The following STK3 variants were observed in gnomAD, a reference collection of about 807,000 sequenced individuals.
The protein encoded by STK3 is serine/threonine-protein kinase 3.
A neutral mutation model predicts 58.0 loss-of-function variants in STK3; 41 were observed. That is an observed-to-expected ratio of 0.71 (90% CI 0.55 to 0.92). The LOEUF (loss-of-function observed/expected upper bound fraction) is 0.92. STK3 is among the 40% of genes least tolerant of loss of function. STK3 has a pLI of 0.00. For synonymous variants in STK3, 170 were observed against 191.0 expected (o/e 0.89, Z 0.91); for missense variants, 479 against 602.7 (o/e 0.79, Z 2.15).
chr8:98,825,589 G>T lies in STK3; in HGVS notation c.-49C>A. The T allele has an allele frequency of 7.1e-7, 1 of 1,406,272 alleles. No homozygotes were observed. Among genetic ancestry groups the T allele is most frequent in the Non-Finnish European group, 9.3e-7 (1 of 1,073,206 alleles). The allele number at this position is 1,406,272 out of a possible 1,614,324, so 87.1% of individuals were successfully genotyped here. On this transcript the variant is annotated 5_prime_UTR_variant, in exon 1 of 11. Coordinates refer to ENST00000419617, the MANE Select transcript of STK3 (RefSeq NM_006281.4). ...ACCTGGTGGACGGCGAAGGCCGAAA[G>T]GAGGAAAGGAGCCGGGGCACCGGCC...
chr8:98,926,900 C>A (rs922628980), intron 1 of STK3, among the ~76,000 whole-genome samples: 1 of 152,168 alleles, frequency 6.6e-6, no homozygotes, highest in Non-Finnish European at 1.5e-5. Flanking sequence ...CTGAGAAGTT[C>A]CAGGCAGCAG....
intron 1 of STK3, among the ~76,000 whole-genome samples, chr8:98,447,191 A>G (rs1360307258): frequency 6.6e-6 from 1 of 152,102 alleles, no homozygotes; most frequent in South Asian, 2.1e-4. Flanking sequence ...CCCCCATGAC[A>G]TATGGATTTA....
At chr8:98,412,517 A>T (rs1232746434) in intron 3 of STK3, among the ~76,000 whole-genome samples, 1 of 152,222 alleles carries the variant, frequency 6.6e-6, no homozygotes, top group African/African-American at 2.4e-5. Context: ...TTGATTGCCA[A>T]CCTTACAGTA....
At chr8:98,756,151 A>G (rs890139685) in intron 3 of STK3, among the ~76,000 whole-genome samples, 3 of 152,046 alleles carry the variant, frequency 2.0e-5, no homozygotes, top group Non-Finnish European at 2.9e-5. Flanking sequence ...CAAAAAAAAA[A>G]AGAAAAATTA....
At chr8:98,904,976 G>GT (rs1314396069) in intron 1 of STK3, 2 of 733,448 alleles carry the variant, frequency 2.7e-6, no homozygotes, top group East Asian at 5.6e-5. Flanking sequence ...CTACTGCCTC[G>GT]TAAGAGCAGA....
At chr8:98,860,344 T>C (rs1836884220) in intron 3 of STK3, among the ~76,000 whole-genome samples, 1 of 152,144 alleles carries the variant, frequency 6.6e-6, no homozygotes, top group East Asian at 1.9e-4. Flanking sequence ...TGATACCTGT[T>C]GATTAGAAGG....
intron 8 of STK3, among the ~76,000 whole-genome samples, chr8:98,563,532 T>C (rs1462506701): frequency 6.6e-6 from 1 of 151,988 alleles, no homozygotes; most frequent in Non-Finnish European, 1.5e-5. Flanking sequence ...CATCCCACAG[T>C]ACAAAAAAGT....
chr8:98,906,989 T>TAAAAAAAAAAAAAAAAA (rs3085954), intron 1 of STK3, among the ~76,000 whole-genome samples: 14 of 94,770 alleles, frequency 1.5e-4, no homozygotes, highest in African/African-American at 5.9e-4. Flanking sequence ...TCTCTACCAA[T>TAAAAAAAAAAAAAAAAA]AAAAAAAAAA....
chr8:98,451,961 T>G (rs1017659254), downstream of STK3, among the ~76,000 whole-genome samples: 5 of 152,096 alleles, frequency 3.3e-5, no homozygotes, highest in Non-Finnish European at 7.4e-5. Flanking sequence ...TAAATGCCTA[T>G]GCCTAATAAT....
chr8:98,844,470 T>G (rs1462372438), intron 3 of STK3, among the ~76,000 whole-genome samples: 1 of 137,124 alleles, frequency 7.3e-6, no homozygotes, highest in Non-Finnish European at 1.6e-5. Context: ...TGTGTGTGTG[T>G]TTTTGTTTTT....
intron 6 of STK3, among the ~76,000 whole-genome samples, chr8:98,685,233 C>T (rs1361644570): frequency 3.3e-5 from 5 of 152,084 alleles, no homozygotes; most frequent in African/African-American, 7.2e-5. Context: ...AATGGAAACA[C>T]GTCTCCAAAA....
intron 6 of STK3, among the ~76,000 whole-genome samples, chr8:98,662,305 T>C (rs943724503): frequency 3.3e-5 from 5 of 152,190 alleles, no homozygotes; most frequent in African/African-American, 4.8e-5. Context: ...TTGTAGTTCA[T>C]TCTTCAAAAT....
chr8:98,519,600 T>G (rs1825203966), intron 10 of STK3, among the ~76,000 whole-genome samples: 1 of 152,174 alleles, frequency 6.6e-6, no homozygotes, highest in Admixed American at 6.6e-5. Flanking sequence ...CAGTGACTTT[T>G]GTTTTGTTTC....
chr8:98,460,277 G>A (rs2032377210), intron 10 of STK3, among the ~76,000 whole-genome samples: 1 of 152,154 alleles, frequency 6.6e-6, no homozygotes, highest in African/African-American at 2.4e-5. Context: ...AGATTTGCAT[G>A]GGGCCTTTAG....
At chr8:98,907,406 G>A (rs577947809) in intron 1 of STK3, among the ~76,000 whole-genome samples, 14 of 151,462 alleles carry the variant, frequency 9.2e-5, no homozygotes, top group Admixed American at 3.3e-4. Flanking sequence ...CCAGCTACTC[G>A]GGAGGCTAAG....
At chr8:98,504,437 G>A (rs1178614461) in intron 10 of STK3, among the ~76,000 whole-genome samples, 2 of 152,168 alleles carry the variant, frequency 1.3e-5, no homozygotes, top group Admixed American at 6.5e-5. Flanking sequence ...TCATTATGAT[G>A]TTAGCTGGTC....
At position 98,598,016 on chromosome 8, in the gene STK3, C is replaced by T. The variant is rs568346691; in HGVS notation, c.685-1847G>A. On this transcript the variant is annotated intron_variant, in intron 6 of 10. Coordinates refer to ENST00000419617, the MANE Select transcript of STK3 (RefSeq NM_006281.4). ...GGCACACAAAACCACCTGCTACTTC[C>T]AACTAGAGAATAAAAATAAATTTGA... is the stretch of plus-strand genomic sequence containing the variant. 18 of 985,266 alleles carry T rather than the reference C, an allele frequency of 1.8e-5. No individual in the cohort carries two copies. The African/African-American group carries it at 3.0e-4, about 16-fold the overall frequency. The allele number at this position is 985,266 out of a possible 1,614,324, so 61.0% of individuals were successfully genotyped here.
At chr8:98,930,532 T>C (rs772009104) in intron 1 of STK3, among the ~76,000 whole-genome samples, 56 of 152,154 alleles carry the variant, frequency 3.7e-4, no homozygotes, top group Non-Finnish European at 1.3e-4. Flanking sequence ...CCACTACTTA[T>C]GTAGCTTAAA....
chr8:98,835,266 C>T (rs1442964000), intron 3 of STK3, among the ~76,000 whole-genome samples: 1 of 152,156 alleles, frequency 6.6e-6, no homozygotes, highest in African/African-American at 2.4e-5. Flanking sequence ...TAGATTGATC[C>T]TTCATTGCCT....
Sources: gnomAD v4.1 joint callset for allele counts (sites outside exome capture counted in the v4.1 genomes callset) on GRCh38, gnomAD v4.1.1 for gene constraint, MANE v1.5 for transcripts, NCBI Gene and HGNC (gene_info 2026-07-23, HGNC 2026-07-21) for gene names.